Variants in SPMIP6 observed in about 807,000 individuals in gnomAD.
SPMIP6 encodes the protein sperm microtubule inner protein 6, also known as ciliated bronchial epithelial protein 1.
At chr9:34,380,217 G>C in the SPMIP6 span, among the ~76,000 whole-genome samples, 5 of 152,216 alleles carry the variant, frequency 3.3e-5, no homozygotes, top group Admixed American at 6.5e-5. Flanking sequence ...GGCTACCGCG[G>C]ACAAAGTTCT....
the SPMIP6 span, among the ~76,000 whole-genome samples, chr9:34,382,497 A>T: frequency 6.6e-6 from 1 of 152,002 alleles, no homozygotes; most frequent in Non-Finnish European, 1.5e-5. Flanking sequence ...AGGTAGCAGA[A>T]TTGCTTGAAC....
chr9:34,392,565 A>C, the SPMIP6 span, among the ~76,000 whole-genome samples: 5 of 152,044 alleles, frequency 3.3e-5, no homozygotes, highest in Admixed American at 6.6e-5. This position sits in a 1 kb window ranked among gnomAD's most constrained non-coding sequence, Gnocchi z 4.6. Flanking sequence ...GGATCAGAGA[A>C]ACCACTTTTA....
At chr9:34,381,801 G>A in the SPMIP6 span, 1 of 980,718 alleles carries the variant, frequency 1.0e-6, no homozygotes, top group Non-Finnish European at 1.2e-6. This position sits in a 1 kb window ranked among gnomAD's most constrained non-coding sequence, Gnocchi z 4.4. Context: ...TGTCATTCCG[G>A]AGAACTTGTG....
chr9:34,396,337 T>C, the SPMIP6 span, among the ~76,000 whole-genome samples: 4 of 152,292 alleles, frequency 2.6e-5, no homozygotes, highest in Admixed American at 1.3e-4. Flanking sequence ...AAAAATTCTC[T>C]CCTATTCAAC....
chr9:34,379,675 C>T, the SPMIP6 span: 1 of 1,614,062 alleles, frequency 6.2e-7, no homozygotes, highest in Non-Finnish European at 8.5e-7. This position sits in a 1 kb window ranked among gnomAD's most constrained non-coding sequence, Gnocchi z 4.2. Context: ...AGTATGACGG[C>T]GGGGGAGTTG....
the SPMIP6 span, among the ~76,000 whole-genome samples, chr9:34,390,794 AT>A: frequency 6.6e-6 from 1 of 151,814 alleles, no homozygotes; most frequent in East Asian, 1.9e-4. Flanking sequence ...TAATTTTTAA[AT>A]TTTTTTGTAG....
At chr9:34,391,730 T>G in the SPMIP6 span, among the ~76,000 whole-genome samples, 1 of 152,232 alleles carries the variant, frequency 6.6e-6, no homozygotes, top group African/African-American at 2.4e-5. Context: ...GACAGTTATT[T>G]TGTATGATGT....
the SPMIP6 span, among the ~76,000 whole-genome samples, chr9:34,390,707 T>G: frequency 1.3e-5 from 2 of 152,324 alleles, no homozygotes; most frequent in African/African-American, 4.8e-5. Flanking sequence ...ATTAATTTTT[T>G]TTTGTGGGCT....
chr9:34,383,321 C>T, the SPMIP6 span, among the ~76,000 whole-genome samples: 2 of 152,170 alleles, frequency 1.3e-5, no homozygotes, highest in Non-Finnish European at 2.9e-5. Context: ...GTCAGGAGTT[C>T]GAGACCAGCC....
At chr9:34,379,945 C>A in the SPMIP6 span, among the ~76,000 whole-genome samples, 1 of 152,138 alleles carries the variant, frequency 6.6e-6, no homozygotes, top group Non-Finnish European at 1.5e-5. This position sits in a 1 kb window ranked among gnomAD's most constrained non-coding sequence, Gnocchi z 4.2. Context: ...TCATTTCTGC[C>A]GTTGAGGAAA....
chr9:34,389,232 C>T, the SPMIP6 span, among the ~76,000 whole-genome samples: 1 of 152,052 alleles, frequency 6.6e-6, no homozygotes, highest in Non-Finnish European at 1.5e-5. Flanking sequence ...CTGGCTTTTA[C>T]TTTTCTTTAT....
the SPMIP6 span, among the ~76,000 whole-genome samples, chr9:34,392,798 A>AATG: frequency 6.6e-6 from 1 of 152,140 alleles, no homozygotes; most frequent in African/African-American, 2.4e-5. The surrounding 1 kb of genome is among the most constrained non-coding windows in gnomAD (Gnocchi z 4.6). Flanking sequence ...TGCCTACAAC[A>AATG]ATGATGATAT....
chr9:34,394,940 C>T, the SPMIP6 span, among the ~76,000 whole-genome samples: 2 of 151,456 alleles, frequency 1.3e-5, no homozygotes, highest in African/African-American at 4.8e-5. Flanking sequence ...CACCATACTG[C>T]CAAAAGCAGC....
chr9:34,381,012 C>G, the SPMIP6 span: 2 of 1,611,288 alleles, frequency 1.2e-6, no homozygotes, highest in South Asian at 2.2e-5. This position sits in a 1 kb window ranked among gnomAD's most constrained non-coding sequence, Gnocchi z 4.4. Flanking sequence ...CAAGCACTTT[C>G]GTAACCATGG....
the SPMIP6 span, among the ~76,000 whole-genome samples, chr9:34,390,856 A>G: frequency 6.6e-6 from 1 of 152,128 alleles, no homozygotes; most frequent in Non-Finnish European, 1.5e-5. Flanking sequence ...TCCTGGGCTC[A>G]AGCAATCCTC....
At chr9:34,379,458 G>T in the SPMIP6 span, among the ~76,000 whole-genome samples, 1 of 152,142 alleles carries the variant, frequency 6.6e-6, no homozygotes, top group Non-Finnish European at 1.5e-5. This position sits in a 1 kb window ranked among gnomAD's most constrained non-coding sequence, Gnocchi z 4.2. Flanking sequence ...CGGCCTCCTA[G>T]CCCTCTCTTA....
the SPMIP6 span, among the ~76,000 whole-genome samples, chr9:34,392,343 TC>T: frequency 1.3e-5 from 2 of 152,164 alleles, no homozygotes; most frequent in African/African-American, 4.8e-5. The surrounding 1 kb of genome is among the most constrained non-coding windows in gnomAD (Gnocchi z 4.6). Flanking sequence ...GAATTACAGG[TC>T]CTTCTATTAA....
chr9:34,383,682 C>A, the SPMIP6 span, among the ~76,000 whole-genome samples: 1 of 152,148 alleles, frequency 6.6e-6, no homozygotes, highest in Non-Finnish European at 1.5e-5. Context: ...TTCAGTTTTA[C>A]AATTATTATC....
chr9:34,379,142 C>T, the SPMIP6 span: 1 of 1,613,918 alleles, frequency 6.2e-7, no homozygotes, highest in Non-Finnish European at 8.5e-7. The surrounding 1 kb of genome is among the most constrained non-coding windows in gnomAD (Gnocchi z 4.2). Context: ...AGTTGTTTCT[C>T]TGGGGACCAC....
Sources: gnomAD v4.1 joint callset for allele counts (sites outside exome capture counted in the v4.1 genomes callset) on GRCh38, gnomAD v4.1.1 for gene constraint, Gnocchi (gnomAD v3.1) non-coding constraint, MANE v1.5 for transcripts, NCBI Gene and HGNC (gene_info 2026-07-23, HGNC 2026-07-21) for gene names.